CTDSPL2: variants seen among roughly 807,000 people sequenced by gnomAD.
The protein encoded by CTDSPL2 is CTD small phosphatase-like protein 2.
In CTDSPL2, 5 loss-of-function variants were observed where a neutral mutation model predicts 60.0. The observed-to-expected ratio is 0.08, with a 90% CI of 0.04 to 0.18. The LOEUF (loss-of-function observed/expected upper bound fraction) is 0.18. Among genes scored for constraint, CTDSPL2 ranks in the 10% least tolerant of loss-of-function variants. CTDSPL2 has a pLI of 1.00. For synonymous variants in CTDSPL2, 186 were observed against 189.3 expected, an observed-to-expected ratio of 0.98 and a Z score of 0.14; for missense variants, 370 against 548.8, an observed-to-expected ratio of 0.67 and a Z score of 3.26.
intron 8 of CTDSPL2, among the ~76,000 whole-genome samples, chr15:44,505,950 T>C (rs149040733): frequency 7.7e-4 from 117 of 152,112 alleles, no homozygotes; most frequent in African/African-American, 2.5e-3. Flanking sequence ...ATCAAGTTTT[T>C]TAACATATGC....
Position 44,444,866 on chromosome 15 carries a change from T to A in CTDSPL2, c.-24-14125T>A, listed in dbSNP as rs1230164211. 2.3e-4 allele frequency among the ~76,000 whole-genome samples: 32 copies of A among 139,778 alleles called. No homozygotes were observed. In the South Asian group the frequency reaches 6.0e-3, roughly 26 times the overall value. The allele number at this position is 139,778 out of a possible 152,430, so 91.7% of individuals were successfully genotyped here. On this transcript the variant is annotated intron_variant, in intron 1 of 12. Coordinates refer to ENST00000260327, the MANE Select transcript of CTDSPL2 (RefSeq NM_016396.3). The stretch of plus-strand genomic sequence containing the variant: ...TTTTTTTTTTTTTTTTTTTTTTTTT[T>A]AGACGGAGTCTCCCTCTGTTGCCCA...
At position 44,527,077 on chromosome 15, in the gene CTDSPL2, G is replaced by T. The variant is rs1001897466; in HGVS notation, c.*2903G>T. ...TTTCTCCTTGTGTCCTAAGAGAATT[G>T]ATGACAATTCGTAACCATAAATTGT... On this transcript the variant is annotated 3_prime_UTR_variant, in exon 13 of 13. Transcript: ENST00000260327. 1 of 152,504 alleles carries T rather than the reference G, an allele frequency of 6.6e-6. No individual in the cohort carries two copies. The highest frequency in any genetic ancestry group is 1.5e-5 in the Non-Finnish European group (1 of 67,988). 9.4% of individuals were successfully genotyped at this position (152,504 alleles called of 1,614,324 possible).
intron 1 of CTDSPL2, among the ~76,000 whole-genome samples, chr15:44,457,769 G>C (rs892470637): frequency 6.6e-6 from 1 of 152,018 alleles, no homozygotes; most frequent in Non-Finnish European, 1.5e-5. Context: ...CTGCCACCAC[G>C]CCCACCTAAT....
At chr15:44,435,548 A>G (rs1355650168) in intron 1 of CTDSPL2, among the ~76,000 whole-genome samples, 1 of 151,012 alleles carries the variant, frequency 6.6e-6, no homozygotes, top group Non-Finnish European at 1.5e-5. Context: ...CAGCCTGGGC[A>G]AGGAGAGAAA....
chr15:44,458,968 C>A, intron 1 of CTDSPL2, 23 bp from the exon 2 acceptor site: 3 of 1,366,686 alleles, frequency 2.2e-6, no homozygotes, highest in Non-Finnish European at 2.9e-6. Flanking sequence ...TTTTTTATTA[C>A]ATTTATTATT....
At chr15:44,487,858 G>A (rs2081147882) in intron 4 of CTDSPL2, among the ~76,000 whole-genome samples, 1 of 152,194 alleles carries the variant, frequency 6.6e-6, no homozygotes, top group Non-Finnish European at 1.5e-5. Context: ...GCTTATACCT[G>A]TAATCACAGC....
chr15:44,467,513 TGTTGA>T (rs1296437122), intron 2 of CTDSPL2, among the ~76,000 whole-genome samples: 1 of 152,092 alleles, frequency 6.6e-6, no homozygotes, highest in Non-Finnish European at 1.5e-5. Context: ...TTTATTTTGT[TGTTGA>T]GTTTTCTCAA....
chr15:44,490,777 A>G lies in CTDSPL2; in HGVS notation c.476-7A>G. On this transcript the variant is annotated splice_region_variant and splice_polypyrimidine_tract_variant and intron_variant, in intron 4 of 12. Coordinates refer to ENST00000260327, the MANE Select transcript of CTDSPL2 (RefSeq NM_016396.3). The stretch of plus-strand genomic sequence containing the variant: ...AATGATGATAGTACACTGAATCATG[A>G]TTTCAGGAACGTCAGGATCAGATTC... The G allele has an allele frequency of 1.2e-6, 2 of 1,610,778 alleles. No homozygotes were observed. The highest frequency in any genetic ancestry group is 2.2e-5 in the South Asian group (2 of 90,972).
At chr15:44,459,513 G>A (rs1331616076) in intron 2 of CTDSPL2, among the ~76,000 whole-genome samples, 1 of 152,076 alleles carries the variant, frequency 6.6e-6, no homozygotes, top group Non-Finnish European at 1.5e-5. Flanking sequence ...GGGCGACAGC[G>A]GGACTCCGTC....
At chr15:44,506,724 T>C (rs1003295287) in intron 8 of CTDSPL2, among the ~76,000 whole-genome samples, 1 of 151,768 alleles carries the variant, frequency 6.6e-6, no homozygotes, top group Non-Finnish European at 1.5e-5. Flanking sequence ...CTGTACTCTT[T>C]AAAAAATTTC....
intron 2 of CTDSPL2, among the ~76,000 whole-genome samples, chr15:44,469,687 C>A (rs1042215036): frequency 1.3e-5 from 2 of 151,978 alleles, no homozygotes; most frequent in Non-Finnish European, 2.9e-5. Flanking sequence ...TGTGATATTT[C>A]GGAGTTGTTC....
chr15:44,501,637 T>C (rs2081383565), intron 8 of CTDSPL2, among the ~76,000 whole-genome samples: 1 of 152,174 alleles, frequency 6.6e-6, no homozygotes, highest in Non-Finnish European at 1.5e-5. Context: ...TTATGTATTC[T>C]GAGTTACACT....
At chr15:44,470,247 A>C (rs2080778801) in intron 2 of CTDSPL2, among the ~76,000 whole-genome samples, 1 of 151,574 alleles carries the variant, frequency 6.6e-6, no homozygotes, top group African/African-American at 2.4e-5. Context: ...TATTTGCTTC[A>C]TGTATGTTGA....
chr15:44,499,518 T>G (rs2081354348), intron 7 of CTDSPL2, among the ~76,000 whole-genome samples: 1 of 152,214 alleles, frequency 6.6e-6, no homozygotes, highest in Non-Finnish European at 1.5e-5. Context: ...TGATGTTTAT[T>G]CTGCTTGCTA....
At chr15:44,492,606 G>T (rs1263155062) in intron 5 of CTDSPL2, among the ~76,000 whole-genome samples, 4 of 152,076 alleles carry the variant, frequency 2.6e-5, no homozygotes, top group African/African-American at 4.8e-5. Flanking sequence ...AACATTTAAA[G>T]AAAATATGAT....
chr15:44,434,911 A>G (rs1347045443), intron 1 of CTDSPL2, among the ~76,000 whole-genome samples: 4 of 152,228 alleles, frequency 2.6e-5, no homozygotes, highest in African/African-American at 2.4e-5. Context: ...TATCAGAAAT[A>G]TTGATGATCC....
At chr15:44,475,436 C>T (rs993736641) in intron 2 of CTDSPL2, among the ~76,000 whole-genome samples, 2 of 152,096 alleles carry the variant, frequency 1.3e-5, no homozygotes, top group Admixed American at 6.6e-5. Context: ...GTCAGGAGTT[C>T]GAAACCAGTC....
At chr15:44,461,675 G>T (rs1461278750) in intron 2 of CTDSPL2, among the ~76,000 whole-genome samples, 2 of 147,172 alleles carry the variant, frequency 1.4e-5, no homozygotes, top group Non-Finnish European at 3.0e-5. Flanking sequence ...ACCTTGGCCT[G>T]TCAAAGTGTT....
intron 5 of CTDSPL2, among the ~76,000 whole-genome samples, chr15:44,493,203 G>A (rs958909541): frequency 1.3e-5 from 2 of 152,126 alleles, no homozygotes; most frequent in African/African-American, 4.8e-5. Flanking sequence ...CTACAAAGAA[G>A]TGAGCTAAAT....
Sources: gnomAD v4.1 joint callset for allele counts (sites outside exome capture counted in the v4.1 genomes callset) on GRCh38, gnomAD v4.1.1 for gene constraint, MANE v1.5 for transcripts, NCBI Gene and HGNC (gene_info 2026-07-23, HGNC 2026-07-21) for gene names.